SIPA1L2: variants seen among roughly 807,000 people sequenced by gnomAD.
The protein encoded by SIPA1L2 is signal induced proliferation associated 1 like 2, also known as signal-induced proliferation-associated 1-like protein 2.
A neutral mutation model predicts 163.9 loss-of-function variants in SIPA1L2; 56 were observed. The observed-to-expected ratio is 0.34, with a 90% CI of 0.28 to 0.43. The LOEUF is 0.43. Among genes scored for constraint, SIPA1L2 ranks in the 20% least tolerant of loss-of-function variants. The pLI is 1.00. For missense variants in SIPA1L2, 1,974 were observed against 2,193.5 expected (o/e 0.90, Z 2.00); for synonymous variants, 877 against 865.7 (o/e 1.01, Z -0.23).
chr1:232,402,082 C>T (rs1310881057), intron 22 of SIPA1L2, among the ~76,000 whole-genome samples: 4 of 152,240 alleles, frequency 2.6e-5, no homozygotes, highest in Non-Finnish European at 2.9e-5. Context: ...ACAGAGTTGG[C>T]GCAACTGATA....
Position 232,428,393 on chromosome 1 carries a change from GCTCC to G in SIPA1L2, c.4410+14_4410+17del. 1 of 1,219,626 alleles carries G rather than the reference GCTCC, an allele frequency of 8.2e-7. No individual in the cohort carries two copies. The highest frequency in any genetic ancestry group is 1.7e-5 in the African/African-American group (1 of 59,716). 75.6% of individuals were successfully genotyped at this position (1,219,626 alleles called of 1,614,324 possible). On this transcript the variant is annotated intron_variant, in intron 17 of 22. Coordinates refer to ENST00000674635, the MANE Select transcript of SIPA1L2 (RefSeq NM_020808.5). The stretch of plus-strand genomic sequence containing the variant: ...TTTTAGTGTTTCTGGTAACTTCAAA[GCTCC>G]CTAAGTCACTAACCTTTCTTCGCCC...
chr1:232,569,055 A>G (rs931318293), intron 2 of SIPA1L2, among the ~76,000 whole-genome samples: 6 of 152,210 alleles, frequency 3.9e-5, no homozygotes, highest in African/African-American at 1.4e-4. Flanking sequence ...TATTCGGTAA[A>G]TATTTACTGT....
Position 232,629,922 on chromosome 1 carries a change from C to A in SIPA1L2, c.-372G>T, listed in dbSNP as rs1479024574. ...TACAGCCTGTGCGCGCCGGGCGGCG[C>A]GTACCCGGGCTGCCGCCTCGCCGCC... is the stretch of plus-strand genomic sequence containing the variant. On this transcript the variant is annotated 5_prime_UTR_variant, in exon 1 of 23. Transcript: ENST00000674635. Among the ~76,000 whole-genome samples the A allele has an allele frequency of 6.6e-6, 1 of 150,874 alleles. No homozygotes were observed. The highest frequency in any genetic ancestry group is 1.5e-5 in the Non-Finnish European group (1 of 67,426).
At chr1:232,621,467 A>G (rs958664153) in intron 1 of SIPA1L2, among the ~76,000 whole-genome samples, 4 of 152,232 alleles carry the variant, frequency 2.6e-5, no homozygotes, top group African/African-American at 7.2e-5. Context: ...AAAGAACACT[A>G]TAGCTGGAAC....
In SIPA1L2 at chr1:232,601,092, G is replaced by C. The variant is rs16857757; in HGVS notation, c.-318-26870C>G. On this transcript the variant is annotated intron_variant, in intron 1 of 22. Transcript: ENST00000674635. ...CTAGAGGAGAGCAAGGGACCAGCCAGGGAGGATATGCCAAGTTAGACTAGT... is the reference window on the plus strand; with the variant it reads ...CTAGAGGAGAGCAAGGGACCAGCCACGGAGGATATGCCAAGTTAGACTAGT... Among the ~76,000 whole-genome samples the C allele has an allele frequency of 9.5e-3, 1,442 of 152,278 alleles. 59 individuals are homozygous for C. The East Asian group carries it at 0.11, about 12-fold the overall frequency.
intron 2 of SIPA1L2, among the ~76,000 whole-genome samples, chr1:232,570,406 C>T (rs1390655304): frequency 6.6e-6 from 1 of 152,182 alleles, no homozygotes; most frequent in South Asian, 2.1e-4. Context: ...TCGGTTCTGA[C>T]GCTATCACAA....
intron 19 of SIPA1L2, among the ~76,000 whole-genome samples, chr1:232,406,710 G>GC (rs1225526700): frequency 6.6e-6 from 1 of 152,128 alleles, no homozygotes; most frequent in Non-Finnish European, 1.5e-5. Context: ...CCAACATAAG[G>GC]CCAAGGCTGG....
At chr1:232,404,280 G>C in intron 19 of SIPA1L2, 102 bp from the exon 20 acceptor site, 1 of 962,428 alleles carries the variant, frequency 1.0e-6, no homozygotes, top group South Asian at 1.4e-5. Flanking sequence ...GTGTGTGTGT[G>C]TGATGGACCA....
chr1:232,582,670 C>A (rs753908829), intron 1 of SIPA1L2, among the ~76,000 whole-genome samples: 6 of 151,864 alleles, frequency 4.0e-5, no homozygotes, highest in Non-Finnish European at 5.9e-5. Context: ...GGTTATATAC[C>A]CAGTAATGGA....
intron 1 of SIPA1L2, among the ~76,000 whole-genome samples, chr1:232,576,630 C>G (rs552964482): frequency 1.4e-4 from 21 of 152,304 alleles, no homozygotes; most frequent in Admixed American, 1.4e-3. Context: ...AGCAATTAAG[C>G]TCAATGGGGA....
chr1:232,466,426 A>AGAGAGTTGCTTTAGTTACT (rs1491123901), intron 8 of SIPA1L2, among the ~76,000 whole-genome samples: 2 of 152,234 alleles, frequency 1.3e-5, no homozygotes, highest in African/African-American at 4.8e-5. Context: ...CCCCTACATC[A>AGAGAGTTGCTTTAGTTACT]GAGAGTTGCT....
intron 16 of SIPA1L2, among the ~76,000 whole-genome samples, chr1:232,430,933 G>A (rs748269865): frequency 3.3e-5 from 5 of 152,074 alleles, no homozygotes; most frequent in African/African-American, 4.8e-5. Context: ...CACAACCTGC[G>A]ACTCAAGAGA....
intron 10 of SIPA1L2, among the ~76,000 whole-genome samples, chr1:232,459,443 C>T (rs964112165): frequency 2.6e-5 from 4 of 152,118 alleles, no homozygotes; most frequent in African/African-American, 9.7e-5. Flanking sequence ...ACCCAACAAT[C>T]CTACTATCTT....
chr1:232,495,239 G>T (rs1307321008), intron 3 of SIPA1L2, among the ~76,000 whole-genome samples: 1 of 152,166 alleles, frequency 6.6e-6, no homozygotes, highest in Non-Finnish European at 1.5e-5. Flanking sequence ...TAGAGTCAGG[G>T]GTAGAAGCAG....
At chr1:232,415,119 G>A (rs1378445885) in intron 19 of SIPA1L2, among the ~76,000 whole-genome samples, 3 of 152,146 alleles carry the variant, frequency 2.0e-5, no homozygotes, top group Non-Finnish European at 2.9e-5. Flanking sequence ...AGCAGCTCCC[G>A]CCTCCTAAAT....
chr1:232,469,841 T>TTTAATTAAACAGAGTTGTTTAA (rs1234441355), intron 8 of SIPA1L2, among the ~76,000 whole-genome samples: 48 of 151,070 alleles, frequency 3.2e-4, no homozygotes, highest in African/African-American at 1.1e-3. Context: ...AACTCAGTTT[T>TTTAATTAAACAGAGTTGTTTAA]TTAATTAAAC....
intron 1 of SIPA1L2, among the ~76,000 whole-genome samples, chr1:232,618,653 C>CAA (rs56213704): frequency 1.9e-4 from 23 of 120,014 alleles, no homozygotes; most frequent in African/African-American, 5.3e-4. Flanking sequence ...GACTCCATCT[C>CAA]AAAAAAAAAA....
chr1:232,548,320 C>A (rs916709409), intron 2 of SIPA1L2, among the ~76,000 whole-genome samples: 2 of 152,136 alleles, frequency 1.3e-5, no homozygotes, highest in Non-Finnish European at 2.9e-5. Context: ...GCTGAAGAGC[C>A]ACCCTGACTC....
chr1:232,416,868 T>C (rs974372187), intron 18 of SIPA1L2, among the ~76,000 whole-genome samples: 11 of 152,224 alleles, frequency 7.2e-5, no homozygotes, highest in Non-Finnish European at 1.5e-4. Context: ...TTTCTTTTTC[T>C]CCTTAAACTC....
Sources: allele counts gnomAD v4.1 joint callset (sites outside exome capture counted in the v4.1 genomes callset), GRCh38; gene constraint gnomAD v4.1.1; transcripts MANE v1.5; gene names NCBI Gene and HGNC (gene_info 2026-07-23, HGNC 2026-07-21).